SLFN12L: variants seen among roughly 807,000 people sequenced by gnomAD.
The protein encoded by SLFN12L is schlafen family member 12-like.
A neutral mutation model predicts 34.8 loss-of-function variants in SLFN12L; 34 were observed. The ratio of observed to expected loss-of-function variants is 0.98; its 90% CI spans 0.74 to 1.30. SLFN12L has a LOEUF of 1.30. Ranked by LOEUF, SLFN12L falls within the 50% of genes most tolerant of loss-of-function variation. The pLI is 0.00. For missense variants in SLFN12L, 703 were observed against 696.2 expected (o/e 1.01, Z -0.11); for synonymous variants, 259 against 247.5 (o/e 1.05, Z -0.44).
At chr17:35,497,397 T>C (rs1300226553) in intron 2 of SLFN12L, among the ~76,000 whole-genome samples, 3 of 151,662 alleles carry the variant, frequency 2.0e-5, no homozygotes, top group East Asian at 3.9e-4. Context: ...ATCTAAAAAA[T>C]AATAATAAAT....
chr17:35,482,234 A>G (rs1380631530), intron 2 of SLFN12L, among the ~76,000 whole-genome samples: 1 of 152,220 alleles, frequency 6.6e-6, no homozygotes, highest in Non-Finnish European at 1.5e-5. Context: ...CAAAATTCAT[A>G]TGTTGAAATT....
intron 2 of SLFN12L, chr17:35,490,080 GC>G: frequency 6.2e-7 from 1 of 1,606,496 alleles, no homozygotes. Context: ...GTAGCCACCG[GC>G]CCCCTCCTCC....
chr17:35,478,030 AAC>A, intron 4 of SLFN12L, 43 bp downstream of exon 4: 1 of 1,238,176 alleles, frequency 8.1e-7, no homozygotes, highest in South Asian at 1.4e-5. Context: ...AGGAGGTTTG[AAC>A]ACAGTTACAC....
chr17:35,512,995 G>T (rs751562736), intron 2 of SLFN12L, among the ~76,000 whole-genome samples: 2 of 151,382 alleles, frequency 1.3e-5, no homozygotes, highest in African/African-American at 2.4e-5. Context: ...TCCTCTATTT[G>T]CCCTTTGACT....
chr17:35,530,272 G>C (rs1417653026), intron 1 of SLFN12L, among the ~76,000 whole-genome samples: 1 of 148,334 alleles, frequency 6.7e-6, no homozygotes, highest in Non-Finnish European at 1.5e-5. Context: ...ACTTGAACCC[G>C]GGAGGCGGAG....
intron 2 of SLFN12L, among the ~76,000 whole-genome samples, chr17:35,503,405 G>T (rs1170461152): frequency 6.6e-6 from 1 of 151,946 alleles, no homozygotes; most frequent in Non-Finnish European, 1.5e-5. Context: ...CTTACCTAAT[G>T]GTCCGACATT....
At chr17:35,491,665 C>A (rs1274478013) in intron 2 of SLFN12L, among the ~76,000 whole-genome samples, 2 of 152,234 alleles carry the variant, frequency 1.3e-5, no homozygotes, top group Non-Finnish European at 2.9e-5. Context: ...GCCATGCCTT[C>A]TCCACAGAAT....
chr17:35,535,069 T>A (rs2142182116), intron 1 of SLFN12L, among the ~76,000 whole-genome samples: 1 of 152,312 alleles, frequency 6.6e-6, no homozygotes, highest in African/African-American at 2.4e-5. Flanking sequence ...ATCTTTATTT[T>A]ACCAATGAGG....
chr17:35,535,957 T>C (rs977291608), intron 1 of SLFN12L, among the ~76,000 whole-genome samples: 2 of 129,032 alleles, frequency 1.6e-5, no homozygotes, highest in Non-Finnish European at 3.4e-5. Context: ...CACCCGGCCC[T>C]GGCTAGTTTG....
rs1913739680 is a variant in SLFN12L, at chr17:35,467,808, C to A, written c.*7115G>T. On this transcript the variant is annotated 3_prime_UTR_variant, in exon 5 of 5. Transcript: ENST00000628453. ...GACCCGTTTGAGCCTAAACTTCAAC[C>A]ATGAAGCAAGCAAGCAAGCAAGCAA... 6.6e-6 allele frequency among the ~76,000 whole-genome samples: 1 copy of A among 152,184 alleles called. No homozygotes were observed. Among genetic ancestry groups the A allele is most frequent in the African/African-American group, 2.4e-5 (1 of 41,436 alleles).
intron 1 of SLFN12L, among the ~76,000 whole-genome samples, chr17:35,533,539 G>A (rs2072430798): frequency 6.6e-6 from 1 of 152,112 alleles, no homozygotes; most frequent in South Asian, 2.1e-4. Flanking sequence ...GTTCAGAGAA[G>A]GATTTCCAGA....
chr17:35,474,858 G>C lies in SLFN12L; in HGVS notation c.*65C>G. ...GAGGCAGGGAATTGCTTGAACCCAG[G>C]AGGCAGAGGTTGCAGTGAGTCGAGA... On this transcript the variant is annotated 3_prime_UTR_variant, in exon 5 of 5. Coordinates refer to ENST00000628453, the MANE Select transcript of SLFN12L (RefSeq NM_001363830.2). 1 of 1,446,326 alleles carries C rather than the reference G, an allele frequency of 6.9e-7. No homozygotes were observed. Among genetic ancestry groups the C allele is most frequent in the South Asian group, 1.5e-5 (1 of 68,242 alleles). 89.6% of individuals were successfully genotyped at this position (1,446,326 alleles called of 1,614,324 possible).
rs1404930570 is a variant in SLFN12L at position 35,469,281 on chromosome 17, TTATATAAAATATATA to T, written c.*5627_*5641del. 2.1e-5 allele frequency among the ~76,000 whole-genome samples: 3 copies of T among 142,572 alleles called. No homozygotes were observed. Among genetic ancestry groups the T allele is most frequent in the Non-Finnish European group, 4.5e-5 (3 of 65,984 alleles). 93.5% of individuals were successfully genotyped at this position (142,572 alleles called of 152,430 possible). On this transcript the variant is annotated 3_prime_UTR_variant, in exon 5 of 5. Coordinates refer to ENST00000628453, the MANE Select transcript of SLFN12L (RefSeq NM_001363830.2). The stretch of plus-strand genomic sequence containing the variant: ...CAACAACCTGACTGCAGGACCTGTT[TTATATAAAATATATA>T]TATATAAAATATATATATATTATAT...
intron 2 of SLFN12L, chr17:35,498,966 G>C (rs1915195708): frequency 1.4e-6 from 1 of 711,196 alleles, no homozygotes; most frequent in Non-Finnish European, 2.6e-6. Flanking sequence ...GCAAGTCAAG[G>C]ATGGGTGTCC....
At position 35,520,086 on chromosome 17, in the gene SLFN12L, T is replaced by C. The variant is rs183628203; in HGVS notation, c.86+2193A>G. 5.0e-4 allele frequency among the ~76,000 whole-genome samples: 76 copies of C among 152,300 alleles called. No individual in the cohort carries two copies. In the East Asian group the frequency reaches 7.7e-3, roughly 15 times the overall value. On this transcript the variant is annotated intron_variant, in intron 2 of 4. Coordinates refer to ENST00000628453, the MANE Select transcript of SLFN12L (RefSeq NM_001363830.2). ...TGACAGGCAAGAATTGAGTCACGCG[T>C]CCCTACACTTAAAGAATAAACTATG...
rs1330822072 is a variant in SLFN12L, at chr17:35,520,573, G to A, written c.86+1706C>T. On this transcript the variant is annotated intron_variant, in intron 2 of 4. Transcript: ENST00000628453. ...CAGCCTGGCCAACATGGCAAAACCC[G>A]TACTCTATTAAAAACACAAAAATTA... Among the ~76,000 whole-genome samples, 9 of 152,050 alleles carry A rather than the reference G, an allele frequency of 5.9e-5. No homozygotes were observed. The South Asian group carries it at 1.0e-3, about 18-fold the overall frequency.
chr17:35,495,816 G>A (rs966558703), intron 2 of SLFN12L, among the ~76,000 whole-genome samples: 4 of 151,912 alleles, frequency 2.6e-5, no homozygotes, highest in African/African-American at 9.7e-5. Flanking sequence ...ACTGGTCAGG[G>A]TGAGGACCCC....
At chr17:35,476,661 C>T (rs999233489) in intron 4 of SLFN12L, among the ~76,000 whole-genome samples, 2 of 151,876 alleles carry the variant, frequency 1.3e-5, no homozygotes, top group African/African-American at 4.8e-5. Context: ...GGTAAATACC[C>T]CAGACTTTAA....
At chr17:35,514,456 T>C (rs186179473) in intron 2 of SLFN12L, among the ~76,000 whole-genome samples, 2 of 152,352 alleles carry the variant, frequency 1.3e-5, no homozygotes, top group Non-Finnish European at 1.5e-5. Context: ...CTTTCAACAC[T>C]GAGCCCTGGG....
Sources: gnomAD v4.1 joint callset for allele counts (sites outside exome capture counted in the v4.1 genomes callset) on GRCh38, gnomAD v4.1.1 for gene constraint, MANE v1.5 for transcripts, NCBI Gene and HGNC (gene_info 2026-07-23, HGNC 2026-07-21) for gene names.